Variants in SNX21 observed in about 807,000 individuals in gnomAD.
SNX21 encodes the protein sorting nexin family member 21, also known as sorting nexin-21.
Under a neutral mutation model 30.9 loss-of-function variants are expected in SNX21, and 36 were observed. That is an observed-to-expected ratio of 1.16 (90% CI 0.89 to 1.54). The LOEUF is 1.54. SNX21 is among the 40% of genes most tolerant of loss of function. The pLI is 0.00. For missense variants in SNX21, 508 were observed against 516.5 expected, an observed-to-expected ratio of 0.98 and a Z score of 0.16; for synonymous variants, 218 against 222.7, an observed-to-expected ratio of 0.98 and a Z score of 0.19.
chr20:45,840,236 G>C lies in SNX21; in HGVS notation c.448-403G>C, dbSNP rs577735246. 2.1e-6 allele frequency: 3 copies of C among 1,435,392 alleles called. No homozygotes were observed. In the African/African-American group the frequency reaches 4.3e-5, roughly 21 times the overall value. The allele number at this position is 1,435,392 out of a possible 1,614,324, so 88.9% of individuals were successfully genotyped here. A position where few individuals can be genotyped will look rare whatever the true frequency, so the allele number is the denominator to read the frequency against. On this transcript the variant is annotated intron_variant, in intron 3 of 3. Transcript: ENST00000491381. The stretch of plus-strand genomic sequence containing the variant: ...GCCTGACCAGGGATGTGGAGGCCAG[G>C]TGTCCAAAGTGGAACAAGCTCCAAG...
At chr20:45,840,328 C>T (rs1983941702) in intron 3 of SNX21, 1 of 1,555,580 alleles carries the variant, frequency 6.4e-7, no homozygotes, top group Non-Finnish European at 8.6e-7. Flanking sequence ...CCAGAGGGGG[C>T]TGTCAGAAGA....
At chr20:45,839,028 G>C (rs1983780080) in intron 3 of SNX21, among the ~76,000 whole-genome samples, 1 of 151,678 alleles carries the variant, frequency 6.6e-6, no homozygotes, top group Admixed American at 6.6e-5. Context: ...CAAGTAGCTG[G>C]GATTACAGGC....
chr20:45,840,691 A>G lies in SNX21; in HGVS notation c.500A>G (p.Gln167Arg), dbSNP rs769844798. The G allele has an allele frequency of 6.2e-7, 1 of 1,614,130 alleles. No individual in the cohort carries two copies. Among genetic ancestry groups the G allele is most frequent in the East Asian group, 2.2e-5 (1 of 44,874 alleles). ...GPGPPDCQPA[Q>R]ISRRYSDFER... The stretch of plus-strand genomic sequence containing the variant: ...GGACCGCCAGATTGCCAGCCAGCCC[A>G]GATCTCTCGCCGTTACTCGGACTTT... Residue 167 changes from glutamine to arginine, a missense_variant, in exon 4 of 4, where the codon CAG becomes CGG. By Grantham distance (43) the Gln-to-Arg change is conservative. Transcript: ENST00000491381.
At chr20:45,834,819 G>A in intron 2 of SNX21, 140 bp from the exon 3 acceptor site, 3 of 1,144,780 alleles carry the variant, frequency 2.6e-6, no homozygotes, top group Non-Finnish European at 3.7e-6. Flanking sequence ...GCTCCTCGGT[G>A]CCTCTCTGTC....
At chr20:45,840,185 C>T (rs1006164145) in intron 3 of SNX21, 6 of 1,378,724 alleles carry the variant, frequency 4.4e-6, no homozygotes, top group Admixed American at 3.0e-5. Context: ...ATCTACAGAC[C>T]TGTCCTCTGG....
intron 3 of SNX21, 75 bp from the exon 4 acceptor site, chr20:45,840,564 G>A: frequency 6.2e-7 from 1 of 1,613,858 alleles, no homozygotes; most frequent in Non-Finnish European, 8.5e-7. Flanking sequence ...TGGGAGTGTG[G>A]GGGATGGGGA....
At chr20:45,840,343 A>AC (rs11418101) in intron 3 of SNX21, 1,092,532 of 1,609,482 alleles carry the variant, frequency 0.68, 371,836 homozygotes, top group Admixed American at 0.78. Context: ...AGAAGAACTA[A>AC]TGCTCTATGG....
At chr20:45,834,120 GC>G in intron 1 of SNX21, 80 bp from the exon 2 acceptor site, 1 of 1,418,236 alleles carries the variant, frequency 7.1e-7, no homozygotes, top group Non-Finnish European at 9.2e-7. Flanking sequence ...TCCGGTTCGG[GC>G]CCCGCCCCTC....
At chr20:45,838,877 G>A (rs1983764806) in intron 3 of SNX21, among the ~76,000 whole-genome samples, 1 of 151,668 alleles carries the variant, frequency 6.6e-6, no homozygotes, top group Non-Finnish European at 1.5e-5. Context: ...ATGGAGATGA[G>A]AAGTGTTAGA....
At chr20:45,839,425 A>T (rs1163031476) in intron 3 of SNX21, among the ~76,000 whole-genome samples, 2 of 152,070 alleles carry the variant, frequency 1.3e-5, no homozygotes, top group Non-Finnish European at 2.9e-5. Context: ...CTGAGGCAGG[A>T]GAATGGAGTG....
At position 45,833,943 on chromosome 20, in the gene SNX21, A is replaced by G. The variant is rs1214554807; in HGVS notation, c.21+3A>G. ...GAATGCACCGTGGGACGCAGGAGGT[A>G]GAGGCGCACGAGGCGGCGCAAGAGA... On this transcript the variant is annotated splice_donor_region_variant and intron_variant, in intron 1 of 3. Coordinates refer to ENST00000491381, the MANE Select transcript of SNX21 (RefSeq NM_033421.4). 2.1e-6 allele frequency: 3 copies of G among 1,439,264 alleles called. No individual in the cohort carries two copies. Among genetic ancestry groups the G allele is most frequent in the Non-Finnish European group, 1.8e-6 (2 of 1,099,394 alleles). 89.2% of individuals were successfully genotyped at this position (1,439,264 alleles called of 1,614,324 possible).
intron 3 of SNX21, among the ~76,000 whole-genome samples, chr20:45,839,403 C>T (rs1339133343): frequency 1.3e-5 from 2 of 152,006 alleles, no homozygotes; most frequent in African/African-American, 4.8e-5. Context: ...GTAGTCCCAG[C>T]TACTCGGGAG....
rs1568732129 is a variant in SNX21, at chr20:45,841,832, C to T, written c.*519C>T. On this transcript the variant is annotated 3_prime_UTR_variant, in exon 4 of 4. Coordinates refer to ENST00000491381, the MANE Select transcript of SNX21 (RefSeq NM_033421.4). ...TTGAAGCCCCAGGCGAAGCTGGTAC[C>T]TCTGGCTACAGCTTGCTCTCTGAGA... is the stretch of plus-strand genomic sequence containing the variant. 1 of 1,598,098 alleles carries T rather than the reference C, an allele frequency of 6.3e-7. No homozygotes were observed. Among genetic ancestry groups the T allele is most frequent in the Non-Finnish European group, 8.5e-7 (1 of 1,174,696 alleles).
At position 45,842,956 on chromosome 20, in the gene SNX21, G is replaced by A. The variant is rs938772564; in HGVS notation, c.*1643G>A. 43 of 1,010,592 alleles carry A rather than the reference G, an allele frequency of 4.3e-5. No individual in the cohort carries two copies. Among genetic ancestry groups the A allele is most frequent in the East Asian group, 9.5e-5 (1 of 10,548 alleles). 62.6% of individuals were successfully genotyped at this position (1,010,592 alleles called of 1,614,324 possible). ...GTTCTGAAGCTAGACATTGATGAAC[G>A]AGTCTTGTTTCTCTCCCCTGCAAGG... On this transcript the variant is annotated 3_prime_UTR_variant, in exon 4 of 4. Coordinates refer to ENST00000491381, the MANE Select transcript of SNX21 (RefSeq NM_033421.4).
At chr20:45,835,141 G>C (rs1983422887) in intron 3 of SNX21, 25 bp downstream of exon 3, 2 of 1,595,282 alleles carry the variant, frequency 1.3e-6, no homozygotes, top group Non-Finnish European at 1.7e-6. Context: ...AGAACCCCTG[G>C]GCTGTGAGTC....
chr20:45,840,671 G>A lies in SNX21; in HGVS notation c.480G>A (p.Pro160=), dbSNP rs779602458. 1.3e-5 allele frequency: 21 copies of A among 1,613,994 alleles called. No individual in the cohort carries two copies. The highest frequency in any genetic ancestry group is 1.6e-4 in the Middle Eastern group (1 of 6,084). The change falls in exon 4 of 4, where the codon CCG becomes CCA. Residue 160 remains proline, a synonymous_variant. Coordinates refer to ENST00000491381, the MANE Select transcript of SNX21 (RefSeq NM_033421.4). ...CCCTCGCCGTGATCGGCCCAGGACC[G>A]CCAGATTGCCAGCCAGCCCAGATCT... The part of the protein sequence containing the change: ...LYTLAVIGPG[P]PDCQPAQISR...
chr20:45,839,142 C>T (rs1437650870), intron 3 of SNX21, among the ~76,000 whole-genome samples: 1 of 152,180 alleles, frequency 6.6e-6, no homozygotes, highest in Non-Finnish European at 1.5e-5. Flanking sequence ...ATCCACCTGC[C>T]TCAGCCTCCC....
chr20:45,842,321 C>A lies in SNX21; in HGVS notation c.*1008C>A. 1 of 1,400,832 alleles carries A rather than the reference C, an allele frequency of 7.1e-7. No homozygotes were observed. The highest frequency in any genetic ancestry group is 9.2e-7 in the Non-Finnish European group (1 of 1,081,744). 86.8% of individuals were successfully genotyped at this position (1,400,832 alleles called of 1,614,324 possible). A position where few individuals can be genotyped will look rare whatever the true frequency, so the allele number is the denominator to read the frequency against. ...TTAAAAGCACTTTCACACCTCTCCT[C>A]GCTTCCTCAAAAAGATCACAGAGGG... On this transcript the variant is annotated 3_prime_UTR_variant, in exon 4 of 4. Transcript: ENST00000491381.
intron 1 of SNX21, 116 bp from the exon 2 acceptor site, chr20:45,834,085 T>C: frequency 7.2e-7 from 1 of 1,387,060 alleles, no homozygotes; most frequent in Non-Finnish European, 9.4e-7. Context: ...TGCCAGGGGG[T>C]GGGGCCTCAC....
Sources: gnomAD v4.1 joint callset for allele counts (sites outside exome capture counted in the v4.1 genomes callset) on GRCh38, gnomAD v4.1.1 for gene constraint, MANE v1.5 for transcripts, NCBI Gene and HGNC (gene_info 2026-07-23, HGNC 2026-07-21) for gene names.